The following LASP1 variants were observed in gnomAD, a reference collection of about 807,000 sequenced individuals.
The protein encoded by LASP1 is LIM and SH3 domain protein 1.
In LASP1, 10 loss-of-function variants were observed where a neutral mutation model predicts 38.6. The ratio of observed to expected loss-of-function variants is 0.26; its 90% confidence interval spans 0.16 to 0.44. The LOEUF (loss-of-function observed/expected upper bound fraction) is 0.44. Among genes scored for constraint, LASP1 ranks in the 20% least tolerant of loss-of-function variants. The pLI is 1.00. For missense variants in LASP1, 243 were observed against 375.7 expected, an observed-to-expected ratio of 0.65 and a Z score of 2.92; for synonymous variants, 132 against 140.8, an observed-to-expected ratio of 0.94 and a Z score of 0.44.
chr17:38,899,461 C>G (rs1397541665), intron 4 of LASP1, among the ~76,000 whole-genome samples: 1 of 152,152 alleles, frequency 6.6e-6, no homozygotes, highest in East Asian at 1.9e-4. Context: ...ACATCCCTTC[C>G]TACCCTCCAC....
intron 2 of LASP1, among the ~76,000 whole-genome samples, chr17:38,883,915 G>A (rs1382679977): frequency 6.6e-6 from 1 of 151,730 alleles, no homozygotes; most frequent in Non-Finnish European, 1.5e-5. Flanking sequence ...GGATGGACGG[G>A]TGAGAAACTG....
chr17:38,884,723 C>G (rs1420828765), intron 2 of LASP1, among the ~76,000 whole-genome samples: 3 of 137,686 alleles, frequency 2.2e-5, no homozygotes, highest in Admixed American at 7.6e-5. Flanking sequence ...TGGGGTCTCT[C>G]TCTGTCTCCC....
In LASP1 at chr17:38,918,443, A is replaced by C. The variant is rs1915197430; in HGVS notation, c.613-162A>C. 6.6e-6 allele frequency among the ~76,000 whole-genome samples: 1 copy of C among 152,218 alleles called. No homozygotes were observed. The highest frequency in any genetic ancestry group is 2.1e-4 in the South Asian group (1 of 4,832). ...AAAGATCGATTGCTCTCAGAAAGCAAGACACAGAGGTTAAGAATCTTTGCA... is the reference window on the plus strand; with the variant it reads ...AAAGATCGATTGCTCTCAGAAAGCACGACACAGAGGTTAAGAATCTTTGCA... On this transcript the variant is annotated intron_variant, in intron 6 of 6. Coordinates refer to ENST00000318008, the MANE Select transcript of LASP1 (RefSeq NM_006148.4). This position sits in a 1 kb window ranked among gnomAD's most constrained non-coding sequence, Gnocchi z 4.4.
At chr17:38,876,463 C>T (rs1405736240) in intron 1 of LASP1, among the ~76,000 whole-genome samples, 1 of 151,852 alleles carries the variant, frequency 6.6e-6, no homozygotes, top group Admixed American at 6.6e-5. Flanking sequence ...TGGGTTCAAG[C>T]GATTCTCCTG....
chr17:38,870,946 C>T (rs1330655492), intron 1 of LASP1, among the ~76,000 whole-genome samples: 1 of 152,204 alleles, frequency 6.6e-6, no homozygotes, highest in Non-Finnish European at 1.5e-5. Context: ...ACTCCCGGTG[C>T]TGGGCCGTCC....
rs533818012 is a variant in LASP1 at position 38,892,992 on chromosome 17, C to T, written c.249+2488C>T. Among the ~76,000 whole-genome samples the T allele has an allele frequency of 4.4e-5, 6 of 135,136 alleles. No homozygotes were observed. In the East Asian group the frequency reaches 7.9e-4, roughly 18 times the overall value. 88.7% of individuals were successfully genotyped at this position (135,136 alleles called of 152,430 possible). On this transcript the variant is annotated intron_variant, in intron 3 of 6. Coordinates refer to ENST00000318008, the MANE Select transcript of LASP1 (RefSeq NM_006148.4). ...GTGTGTGCGTGTGCACGCATGCACG[C>T]GTGTATGTGTGTGTGTGTGTGTGCA...
chr17:38,900,919 C>T (rs1914624617), intron 4 of LASP1, among the ~76,000 whole-genome samples: 1 of 152,216 alleles, frequency 6.6e-6, no homozygotes, highest in Non-Finnish European at 1.5e-5. Flanking sequence ...TCAGACCCTG[C>T]AAAGGGTAAG....
chr17:38,916,863 GA>G (rs921751514), intron 6 of LASP1: 27 of 139,830 alleles, frequency 1.9e-4, no homozygotes, highest in East Asian at 6.1e-4. Flanking sequence ...ACTCCAGCTA[GA>G]AAAAAAAAAA....
intron 5 of LASP1, among the ~76,000 whole-genome samples, chr17:38,914,814 T>C (rs899156221): frequency 6.6e-6 from 1 of 152,152 alleles, no homozygotes; most frequent in African/African-American, 2.4e-5. Context: ...AGGCCTGTAC[T>C]GGGCCAAGAG....
At chr17:38,876,563 C>T (rs1913783670) in intron 1 of LASP1, among the ~76,000 whole-genome samples, 1 of 151,740 alleles carries the variant, frequency 6.6e-6, no homozygotes, top group South Asian at 2.1e-4. Flanking sequence ...GGGGTTTCAC[C>T]ATGTTGGCCA....
chr17:38,915,346 C>A, intron 6 of LASP1, 200 bp downstream of exon 6: 1 of 503,644 alleles, frequency 2.0e-6, no homozygotes. Flanking sequence ...TGCGTTCCAG[C>A]CCTGGTGTAC....
chr17:38,871,144 A>C (rs1439458333), intron 1 of LASP1, among the ~76,000 whole-genome samples: 1 of 56,026 alleles, frequency 1.8e-5, no homozygotes, highest in Non-Finnish European at 3.5e-5. Flanking sequence ...AGGGGGAGGT[A>C]TTGGGGGGAG....
chr17:38,907,082 C>G (rs534384347), intron 4 of LASP1, among the ~76,000 whole-genome samples: 37 of 152,290 alleles, frequency 2.4e-4, no homozygotes, highest in South Asian at 1.4e-3. Flanking sequence ...TAACATCCCC[C>G]TCATGTGCCT....
intron 2 of LASP1, among the ~76,000 whole-genome samples, chr17:38,883,739 CTTT>C (rs60761350): frequency 0.024 from 3,097 of 128,342 alleles, 104 homozygotes; most frequent in African/African-American, 0.082. Flanking sequence ...CAGGGGCAGG[CTTT>C]TTTTTTTTTT....
chr17:38,913,026 C>T (rs903865773), intron 4 of LASP1, among the ~76,000 whole-genome samples: 1 of 152,178 alleles, frequency 6.6e-6, no homozygotes, highest in African/African-American at 2.4e-5. Context: ...CAGCTTCCCT[C>T]CCCTCCCCAG....
chr17:38,888,869 G>A (rs1469303442), intron 2 of LASP1, among the ~76,000 whole-genome samples: 4 of 109,252 alleles, frequency 3.7e-5, no homozygotes, highest in Non-Finnish European at 6.6e-5. Flanking sequence ...CTCCAAGCCA[G>A]GCCCTCTTCC....
In LASP1 at chr17:38,911,186, G is replaced by T. The variant is rs150585163; in HGVS notation, c.358-3139G>T. ...CAGGAGCTTCCATCCAGTGGGGGTG[G>T]GGGACACCACCCGCCAACAGCACAG... On this transcript the variant is annotated intron_variant, in intron 4 of 6. Coordinates refer to ENST00000318008, the MANE Select transcript of LASP1 (RefSeq NM_006148.4). Among the ~76,000 whole-genome samples, 84 of 152,246 alleles carry T rather than the reference G, an allele frequency of 5.5e-4. 1 individual carries two copies. The East Asian group carries it at 0.014, about 26-fold the overall frequency.
chr17:38,912,449 AGGGCCAGGGTGCCGCT>A (rs1001728745), intron 4 of LASP1, among the ~76,000 whole-genome samples: 21 of 151,616 alleles, frequency 1.4e-4, no homozygotes, highest in South Asian at 2.1e-4. Context: ...GGGTCAGGGT[AGGGCCAGGGTGCCGCT>A]GGGCCAGGGT....
intron 4 of LASP1, among the ~76,000 whole-genome samples, chr17:38,901,810 G>C (rs1487200960): frequency 6.6e-6 from 1 of 152,096 alleles, no homozygotes; most frequent in African/African-American, 2.4e-5. Context: ...TTATCACCCA[G>C]GCTGGAGTGC....
Sources: gnomAD v4.1 joint callset for allele counts (sites outside exome capture counted in the v4.1 genomes callset) on GRCh38, gnomAD v4.1.1 for gene constraint, Gnocchi (gnomAD v3.1) non-coding constraint, MANE v1.5 for transcripts, NCBI Gene and HGNC (gene_info 2026-07-23, HGNC 2026-07-21) for gene names.